Variants in THSD7B observed in about 807,000 individuals in gnomAD.
The protein encoded by THSD7B is thrombospondin type-1 domain-containing protein 7B.
THSD7B carries 138 observed loss-of-function variants against 213.6 expected under a neutral mutation model. The ratio of observed to expected loss-of-function variants is 0.65; its 90% CI spans 0.56 to 0.74. The LOEUF (loss-of-function observed/expected upper bound fraction) is 0.74. Among genes scored for constraint, THSD7B ranks in the 30% least tolerant of loss-of-function variants. The pLI is 0.00. For missense variants in THSD7B, 1,931 were observed against 1,991.5 expected (o/e 0.97, Z 0.58); for synonymous variants, 742 against 687.0 (o/e 1.08, Z -1.25).
chr2:136,980,980 C>T (rs181525868), intron 2 of THSD7B, among the ~76,000 whole-genome samples: 1 of 152,068 alleles, frequency 6.6e-6, no homozygotes, highest in African/African-American at 2.4e-5. Flanking sequence ...ACCTGGATAC[C>T]CTCAGCTGAA....
At chr2:137,047,555 G>T (rs1393640984) in intron 2 of THSD7B, among the ~76,000 whole-genome samples, 4 of 152,144 alleles carry the variant, frequency 2.6e-5, no homozygotes, top group African/African-American at 9.7e-5. Context: ...GCTAAAAAAA[G>T]GAACTTGGAA....
chr2:137,392,473 T>G (rs1408229037), intron 12 of THSD7B, among the ~76,000 whole-genome samples: 1 of 152,188 alleles, frequency 6.6e-6, no homozygotes, highest in African/African-American at 2.4e-5. Flanking sequence ...ATCCTCTTAC[T>G]GAACTGATCC....
chr2:137,424,662 A>G (rs1385170699), intron 14 of THSD7B, among the ~76,000 whole-genome samples: 3 of 152,224 alleles, frequency 2.0e-5, no homozygotes, highest in Non-Finnish European at 4.4e-5. Context: ...AAGAAAAAAT[A>G]TTTGATAAAA....
chr2:137,173,686 C>T (rs762202925), intron 7 of THSD7B, among the ~76,000 whole-genome samples: 1 of 152,196 alleles, frequency 6.6e-6, no homozygotes, highest in African/African-American at 2.4e-5. Context: ...GTTCTGGGAA[C>T]ATGCTTGGCC....
intron 1 of THSD7B, among the ~76,000 whole-genome samples, chr2:136,775,638 G>A (rs1188936749): frequency 2.0e-5 from 3 of 152,194 alleles, no homozygotes; most frequent in African/African-American, 7.2e-5. Flanking sequence ...GTGTATTCAC[G>A]TATGCCTGCA....
chr2:136,982,389 C>A (rs62170856), intron 2 of THSD7B, among the ~76,000 whole-genome samples: 15,365 of 151,888 alleles, frequency 0.1, 1,004 homozygotes, highest in East Asian at 0.16. Flanking sequence ...GGTCTCGAAC[C>A]CTGGGCACAG....
At chr2:137,396,214 T>C (rs1686184393) in intron 12 of THSD7B, among the ~76,000 whole-genome samples, 1 of 141,482 alleles carries the variant, frequency 7.1e-6, no homozygotes, top group Non-Finnish European at 1.5e-5. Context: ...AGCTTTTGAA[T>C]GTGTTTGCTC....
intron 17 of THSD7B, among the ~76,000 whole-genome samples, chr2:137,579,837 T>C (rs1217518637): frequency 6.6e-6 from 1 of 152,138 alleles, no homozygotes; most frequent in Non-Finnish European, 1.5e-5. Context: ...TTATTGTTGT[T>C]GTTTGTACAC....
At chr2:136,982,043 G>A (rs1419388649) in intron 2 of THSD7B, among the ~76,000 whole-genome samples, 1 of 152,138 alleles carries the variant, frequency 6.6e-6, no homozygotes, top group Admixed American at 6.5e-5. Flanking sequence ...ACCTAGTTAG[G>A]GAGATAGACA....
At chr2:137,636,117 T>C (rs780674362) in intron 20 of THSD7B, among the ~76,000 whole-genome samples, 2 of 152,198 alleles carry the variant, frequency 1.3e-5, no homozygotes, top group African/African-American at 4.8e-5. Flanking sequence ...GTGAATTCCA[T>C]AGACAGCCAA....
intron 15 of THSD7B, among the ~76,000 whole-genome samples, chr2:137,554,687 G>T (rs1265484862): frequency 6.6e-6 from 1 of 152,154 alleles, no homozygotes; most frequent in Non-Finnish European, 1.5e-5. Context: ...ACTGGGGCGT[G>T]TCAGACAGTG....
rs145063229 is a variant in THSD7B, at chr2:137,248,742, T to C, written c.2266+6170T>C. ...TAGAGGGTCTGCTGTGTTTGAGTAA[T>C]CAAAGCTTTGAGCCTGGAACACTGG... is the stretch of plus-strand genomic sequence containing the variant. On this transcript the variant is annotated intron_variant, in intron 10 of 27. Transcript: ENST00000409968. Among the ~76,000 whole-genome samples, 349 of 152,314 alleles carry C rather than the reference T, an allele frequency of 2.3e-3. 2 individuals are homozygous for C. The highest frequency in any genetic ancestry group is 8.1e-3 in the African/African-American group (338 of 41,584).
At chr2:137,101,448 G>A (rs938829409) in intron 4 of THSD7B, among the ~76,000 whole-genome samples, 1 of 152,162 alleles carries the variant, frequency 6.6e-6, no homozygotes, top group Non-Finnish European at 1.5e-5. Flanking sequence ...TTCAAAAATT[G>A]TTTAAGAAGC....
chr2:136,946,847 G>A (rs77659326), intron 2 of THSD7B, among the ~76,000 whole-genome samples: 11,267 of 152,256 alleles, frequency 0.074, 669 homozygotes, highest in African/African-American at 0.16. Context: ...CAAAAGTGCA[G>A]TATTTGAGCG....
intron 25 of THSD7B, among the ~76,000 whole-genome samples, chr2:137,662,544 AC>A (rs1683370574): frequency 6.6e-6 from 1 of 152,160 alleles, no homozygotes; most frequent in African/African-American, 2.4e-5. Context: ...CTTCTTAGCT[AC>A]CTACTCTAAC....
intron 1 of THSD7B, among the ~76,000 whole-genome samples, chr2:136,837,562 T>C (rs1474325424): frequency 1.3e-5 from 2 of 152,252 alleles, no homozygotes; most frequent in Non-Finnish European, 2.9e-5. Context: ...CTTAATATTT[T>C]ATAGCACTTC....
Position 136,978,044 on chromosome 2 carries a change from C to T in THSD7B, c.140-78376C>T, listed in dbSNP as rs191904906. 5.3e-5 allele frequency among the ~76,000 whole-genome samples: 8 copies of T among 152,180 alleles called. No homozygotes were observed. The East Asian group carries it at 1.4e-3, about 26-fold the overall frequency. Reference sequence around the variant, plus strand: ...GAACTCCTGACCTCAGGTGATCTGCCAGCCTCAGCCTCCCAAAGTGCTGGG... The same window carrying T: ...GAACTCCTGACCTCAGGTGATCTGCTAGCCTCAGCCTCCCAAAGTGCTGGG... On this transcript the variant is annotated intron_variant, in intron 2 of 27. Transcript: ENST00000409968.
At chr2:137,112,484 A>C (rs559318072) in intron 4 of THSD7B, among the ~76,000 whole-genome samples, 2 of 152,288 alleles carry the variant, frequency 1.3e-5, no homozygotes, top group South Asian at 2.1e-4. Flanking sequence ...CTTTATATAC[A>C]GATATAGTCA....
At chr2:137,284,200 G>A (rs1044164315) in intron 12 of THSD7B, among the ~76,000 whole-genome samples, 1 of 152,136 alleles carries the variant, frequency 6.6e-6, no homozygotes, top group African/African-American at 2.4e-5. Flanking sequence ...GGTGTTTGTA[G>A]TATTCTCTGA....
Sources: gnomAD v4.1 joint callset for allele counts (sites outside exome capture counted in the v4.1 genomes callset) on GRCh38, gnomAD v4.1.1 for gene constraint, MANE v1.5 for transcripts, NCBI Gene and HGNC (gene_info 2026-07-23, HGNC 2026-07-21) for gene names.